Variants in ACSBG2 observed in about 807,000 individuals in gnomAD.
The protein encoded by ACSBG2 is acyl-CoA synthetase bubblegum family member 2.
In ACSBG2, 62 loss-of-function variants were observed where a neutral mutation model predicts 74.7. That is an observed-to-expected ratio of 0.83 (90% CI 0.68 to 1.03). ACSBG2 has a LOEUF of 1.03. ACSBG2 is among the 50% of genes least tolerant of loss of function. The probability of loss-of-function intolerance (pLI) is 0.00; values close to 1 mark genes in which losing one functional copy is unlikely to be tolerated. For missense variants in ACSBG2, 730 were observed against 817.6 expected (o/e 0.89, Z 1.31); for synonymous variants, 309 against 294.1 (o/e 1.05, Z -0.52).
In ACSBG2 at chr19:6,164,414, T is replaced by G. The variant is rs183340464; in HGVS notation, c.589-1452T>G. ...CAGGTTTCAGGCAACACTGGCCATC[T>G]GTAGAGGACTTTGAGGGGCCTTTTT... On this transcript the variant is annotated intron_variant, in intron 6 of 14. Transcript: ENST00000588485. Among the ~76,000 whole-genome samples the G allele has an allele frequency of 3.3e-4, 50 of 151,386 alleles. 1 individual carries two copies. Among genetic ancestry groups the G allele is most frequent in the African/African-American group, 1.1e-3 (47 of 41,184 alleles).
At chr19:6,186,881 G>A (rs919598557) in intron 11 of ACSBG2, among the ~76,000 whole-genome samples, 1 of 152,026 alleles carries the variant, frequency 6.6e-6, no homozygotes, top group East Asian at 1.9e-4. Flanking sequence ...TTTTTTTGCA[G>A]AGACCCAATT....
intron 6 of ACSBG2, among the ~76,000 whole-genome samples, chr19:6,162,870 G>T (rs1044139779): frequency 6.6e-6 from 1 of 151,826 alleles, no homozygotes; most frequent in African/African-American, 2.4e-5. Flanking sequence ...ATACCCTGGT[G>T]GGGGGAGGGT....
intron 6 of ACSBG2, among the ~76,000 whole-genome samples, chr19:6,165,233 T>C (rs2089756880): frequency 6.6e-6 from 1 of 152,316 alleles, no homozygotes; most frequent in Middle Eastern, 3.4e-3. Context: ...TCTCACATAG[T>C]CCTGAGATGG....
chr19:6,153,194 C>T (rs1290645510), intron 4 of ACSBG2, among the ~76,000 whole-genome samples: 2 of 151,970 alleles, frequency 1.3e-5, no homozygotes, highest in Admixed American at 6.6e-5. Context: ...TGCAGTGAGC[C>T]GAGATCGCGC....
At chr19:6,148,505 A>C (rs933902834) in intron 3 of ACSBG2, among the ~76,000 whole-genome samples, 1 of 152,096 alleles carries the variant, frequency 6.6e-6, no homozygotes, top group Non-Finnish European at 1.5e-5. Flanking sequence ...AAGTAGCCAG[A>C]TGCAGTGGCA....
chr19:6,165,745 A>T lies in ACSBG2; in HGVS notation c.589-121A>T, dbSNP rs978757649. ...TTGTAAGAGGTGCCAGGACTGGCAC[A>T]TCCTAAGCCCTTCCACCTGCTGAGG... On this transcript the variant is annotated intron_variant, in intron 6 of 14. Transcript: ENST00000588485. 11 of 1,228,060 alleles carry T rather than the reference A, an allele frequency of 9.0e-6. No individual in the cohort carries two copies. In the African/African-American group the frequency reaches 1.7e-4, roughly 19 times the overall value. 76.1% of individuals were successfully genotyped at this position (1,228,060 alleles called of 1,614,324 possible). A position where few individuals can be genotyped will look rare whatever the true frequency, so the allele number is the denominator to read the frequency against.
chr19:6,173,748 C>T (rs368637097), intron 7 of ACSBG2, among the ~76,000 whole-genome samples: 150 of 152,234 alleles, frequency 9.9e-4, no homozygotes, highest in African/African-American at 3.5e-3. Flanking sequence ...TCAGCCATCA[C>T]GTATCAATAC....
At chr19:6,154,637 A>G (rs1165274144) in intron 4 of ACSBG2, among the ~76,000 whole-genome samples, 1 of 151,472 alleles carries the variant, frequency 6.6e-6, no homozygotes, top group Non-Finnish European at 1.5e-5. Context: ...TCAGCCTCCC[A>G]AGTAGCTGGG....
intron 8 of ACSBG2, among the ~76,000 whole-genome samples, chr19:6,178,043 A>G (rs1470183871): frequency 6.6e-6 from 1 of 152,090 alleles, no homozygotes; most frequent in Non-Finnish European, 1.5e-5. Flanking sequence ...GATTATGCAT[A>G]TATTTGTAGA....
chr19:6,180,302 C>G lies in ACSBG2; in HGVS notation c.907-2449C>G, dbSNP rs1818750313. Among the ~76,000 whole-genome samples, 1 of 152,200 alleles carries G rather than the reference C, an allele frequency of 6.6e-6. No individual in the cohort carries two copies. The highest frequency in any genetic ancestry group is 2.4e-5 in the African/African-American group (1 of 41,458). On this transcript the variant is annotated intron_variant, in intron 8 of 14. Coordinates refer to ENST00000588485, the MANE Select transcript of ACSBG2 (RefSeq NM_030924.5). The surrounding 1 kb of genome is among the most constrained non-coding windows in gnomAD (Gnocchi z 4.3). ...GCCATTATTTTGCCTCCCACACTCT[C>G]CATCAAGCAGGCTAAATCTTAGGGC...
In ACSBG2 at chr19:6,147,487, CT is replaced by C; in HGVS notation, c.111del (p.Leu38Ter). ...GACCACCTGTCGAGATGGAGAAGTC[CT>C]TCTGAGGCTATCCAAACACGGACCA... ...LWTTCRDGEVLLRLSKHGPGH... is the reference protein window; with the variant it reads ...LWTTCRDGEVXLRLSKHGPGH... On this transcript the variant is annotated frameshift_variant, in exon 3 of 15. Transcript: ENST00000588485. LOFTEE classifies it high-confidence loss of function. The C allele has an allele frequency of 1.2e-6, 2 of 1,614,162 alleles. No individual in the cohort carries two copies. Among genetic ancestry groups the C allele is most frequent in the Non-Finnish European group, 1.7e-6 (2 of 1,180,004 alleles).
At chr19:6,150,245 C>T (rs964996114) in intron 3 of ACSBG2, among the ~76,000 whole-genome samples, 4 of 150,692 alleles carry the variant, frequency 2.7e-5, no homozygotes, top group African/African-American at 4.9e-5. Flanking sequence ...AAAATGGTGC[C>T]GCCACTGTGG....
Position 6,185,520 on chromosome 19 carries a change from G to T in ACSBG2, c.1407G>T (p.Arg469Ser). The T allele has an allele frequency of 6.2e-7, 1 of 1,614,198 alleles. No individual in the cohort carries two copies. The highest frequency in any genetic ancestry group is 8.5e-7 in the Non-Finnish European group (1 of 1,180,030). The change falls in exon 11 of 15, where the codon AGG becomes AGT. Residue 469 changes from arginine (R) to serine (S), a missense_variant. Physicochemically the swap from Arg to Ser is moderately radical, Grantham distance 110. Coordinates refer to ENST00000588485, the MANE Select transcript of ACSBG2 (RefSeq NM_030924.5). ...TTGGGGAGATCTGCCTCTGGGGTAG[G>T]CACATCTTCATGGGCTATCTGGAAA... Reference protein sequence around the residue: ...DGIGEICLWGRHIFMGYLESE... With the variant: ...DGIGEICLWGSHIFMGYLESE...
chr19:6,161,552 G>C, intron 6 of ACSBG2: 1 of 376,718 alleles, frequency 2.7e-6, no homozygotes, highest in South Asian at 3.5e-5. Flanking sequence ...GACCTTACAA[G>C]GGAAGTGGGT....
In ACSBG2 at chr19:6,183,144, T is replaced by G. The variant is rs2090308858; in HGVS notation, c.1194T>G (p.Thr398=). ...LDHCHSFISG[T]APLNQETAEF... is the part of the protein sequence containing the mutation. ...ACTGTCACTCTTTTATCAGTGGGAC[T>G]GCGCCCCTCAACCAAGAGACTGCCG... is the stretch of plus-strand genomic sequence containing the variant. The change falls in exon 10 of 15, where the codon ACT becomes ACG. Residue 398 remains threonine (T), a synonymous_variant. Transcript: ENST00000588485. 1.2e-6 allele frequency: 2 copies of G among 1,614,240 alleles called. No individual in the cohort carries two copies. Among genetic ancestry groups the G allele is most frequent in the Non-Finnish European group, 1.7e-6 (2 of 1,180,042 alleles).
At chr19:6,155,071 G>A (rs1045613801) in intron 4 of ACSBG2, among the ~76,000 whole-genome samples, 1 of 152,272 alleles carries the variant, frequency 6.6e-6, no homozygotes, top group Non-Finnish European at 1.5e-5. Flanking sequence ...GAATGGTGAT[G>A]AGAGTAACCA....
At chr19:6,182,601 T>C in intron 8 of ACSBG2, 150 bp from the exon 9 acceptor site, 1 of 706,404 alleles carries the variant, frequency 1.4e-6, no homozygotes, top group Non-Finnish European at 2.3e-6. Context: ...CCAACCCAGC[T>C]AATGGGTTGT....
At chr19:6,138,304 C>T (rs1165212766) in intron 1 of ACSBG2, among the ~76,000 whole-genome samples, 1 of 152,030 alleles carries the variant, frequency 6.6e-6, no homozygotes, top group East Asian at 1.9e-4. Flanking sequence ...GAATTGAGAT[C>T]TAGCAGAACC....
intron 5 of ACSBG2, among the ~76,000 whole-genome samples, chr19:6,157,228 G>A (rs886572430): frequency 2.8e-4 from 43 of 151,956 alleles, no homozygotes; most frequent in African/African-American, 9.7e-4. Context: ...GATTACAGGC[G>A]TGAGCCACCG....
Sources: allele counts gnomAD v4.1 joint callset (sites outside exome capture counted in the v4.1 genomes callset), GRCh38; gene constraint gnomAD v4.1.1; non-coding constraint Gnocchi (gnomAD v3.1); transcripts MANE v1.5; gene names NCBI Gene and HGNC (gene_info 2026-07-23, HGNC 2026-07-21).